The following RAP1GDS1 variants were observed in gnomAD, a reference collection of about 807,000 sequenced individuals.
RAP1GDS1 encodes the protein Rap1 GTPase-GDP dissociation stimulator 1.
A neutral mutation model predicts 71.1 loss-of-function variants in RAP1GDS1; 35 were observed. The ratio of observed to expected loss-of-function variants is 0.49; its 90% CI spans 0.38 to 0.65. The LOEUF is 0.65. Ranked by LOEUF, RAP1GDS1 falls within the 30% of genes least tolerant of loss-of-function variation. The pLI is 0.00. For synonymous variants in RAP1GDS1, 229 were observed against 243.1 expected (o/e 0.94, Z 0.54); for missense variants, 663 against 706.1 (o/e 0.94, Z 0.69).
intron 2 of RAP1GDS1, among the ~76,000 whole-genome samples, chr4:98,328,871 T>G (rs1215156216): frequency 6.6e-6 from 1 of 152,238 alleles, no homozygotes; most frequent in African/African-American, 2.4e-5. Context: ...AATAATTGCC[T>G]GTAAGAAGTG....
chr4:98,430,702 A>G (rs939956039), intron 12 of RAP1GDS1, among the ~76,000 whole-genome samples: 1 of 152,204 alleles, frequency 6.6e-6, no homozygotes, highest in Non-Finnish European at 1.5e-5. Context: ...CGTACTTTGG[A>G]AAAATGCTGT....
Position 98,343,204 on chromosome 4 carries a change from C to G in RAP1GDS1, c.178C>G (p.Pro60Ala). 6.2e-7 allele frequency: 1 copy of G among 1,605,302 alleles called. No individual in the cohort carries two copies. The highest frequency in any genetic ancestry group is 1.1e-5 in the South Asian group (1 of 90,890). The change falls in exon 3 of 15, where the codon CCA becomes GCA. Residue 60 changes from proline (P) to alanine (A), a missense_variant. Transcript: ENST00000408927. ...ILQLFASLLT[P>A]QSSCKAKVAN... The stretch of plus-strand genomic sequence containing the variant: ...TCAGCTGTTTGCAAGTCTGTTGACT[C>G]CACAGTCTTCCTGCAAAGCCAAAGT...
At chr4:98,376,275 T>G (rs983621967) in intron 4 of RAP1GDS1, among the ~76,000 whole-genome samples, 1 of 152,084 alleles carries the variant, frequency 6.6e-6, no homozygotes, top group Non-Finnish European at 1.5e-5. Context: ...CTGTTACTTA[T>G]GAGAAGAGTG....
At chr4:98,427,004 CAAG>C (rs1344548090) in intron 12 of RAP1GDS1, among the ~76,000 whole-genome samples, 1 of 152,116 alleles carries the variant, frequency 6.6e-6, no homozygotes, top group Non-Finnish European at 1.5e-5. Context: ...AACAACATAT[CAAG>C]AAGATAACTC....
intron 2 of RAP1GDS1, among the ~76,000 whole-genome samples, chr4:98,329,457 G>A (rs1228898701): frequency 6.6e-6 from 1 of 152,024 alleles, no homozygotes; most frequent in Non-Finnish European, 1.5e-5. Flanking sequence ...AAAAGATTTA[G>A]TCCATTAATC....
intron 2 of RAP1GDS1, among the ~76,000 whole-genome samples, chr4:98,305,373 G>A (rs1320903724): frequency 6.6e-6 from 1 of 151,938 alleles, no homozygotes; most frequent in Non-Finnish European, 1.5e-5. Flanking sequence ...GTTTGGTAGA[G>A]AACATTTTTA....
intron 5 of RAP1GDS1, among the ~76,000 whole-genome samples, chr4:98,385,574 A>G (rs979794834): frequency 6.6e-6 from 1 of 151,910 alleles, no homozygotes; most frequent in Non-Finnish European, 1.5e-5. Flanking sequence ...ACTTTTATGA[A>G]GATTATTAAT....
At chr4:98,409,691 A>T (rs1301252373) in intron 7 of RAP1GDS1, 1 of 431,192 alleles carries the variant, frequency 2.3e-6, no homozygotes, top group Non-Finnish European at 4.6e-6. Context: ...CCACCTAGAG[A>T]AGCGCACTTT....
intron 7 of RAP1GDS1, among the ~76,000 whole-genome samples, chr4:98,414,466 G>A (rs1281547087): frequency 1.2e-3 from 174 of 146,968 alleles, no homozygotes; most frequent in African/African-American, 3.4e-3. Flanking sequence ...CATTTATTAA[G>A]TAGGGAATCC....
intron 7 of RAP1GDS1, among the ~76,000 whole-genome samples, chr4:98,415,592 A>T (rs1747830195): frequency 6.6e-6 from 1 of 152,298 alleles, no homozygotes; most frequent in South Asian, 2.1e-4. Context: ...GGCAAATATA[A>T]GCTCTTCAGT....
chr4:98,409,007 A>G (rs1248430938), intron 7 of RAP1GDS1, among the ~76,000 whole-genome samples: 1 of 152,190 alleles, frequency 6.6e-6, no homozygotes, highest in Non-Finnish European at 1.5e-5. Context: ...TTAACATTGT[A>G]TTGTAAGAAG....
chr4:98,326,839 G>T (rs1316877758), intron 2 of RAP1GDS1, among the ~76,000 whole-genome samples: 2 of 152,164 alleles, frequency 1.3e-5, no homozygotes, highest in Non-Finnish European at 2.9e-5. Flanking sequence ...TGGAAGGTAG[G>T]TGGAAGAAAA....
intron 4 of RAP1GDS1, among the ~76,000 whole-genome samples, chr4:98,371,604 G>A (rs949706540): frequency 5.3e-5 from 8 of 151,894 alleles, no homozygotes; most frequent in African/African-American, 1.7e-4. Flanking sequence ...AGCCTCCCGA[G>A]TAGCTGGGAT....
chr4:98,280,355 A>G (rs1181408809), intron 1 of RAP1GDS1, among the ~76,000 whole-genome samples: 2 of 152,296 alleles, frequency 1.3e-5, no homozygotes, highest in African/African-American at 4.8e-5. Flanking sequence ...TTCTCTGATG[A>G]CTAGTGATGA....
intron 7 of RAP1GDS1, among the ~76,000 whole-genome samples, chr4:98,407,565 C>T (rs1746317741): frequency 6.6e-6 from 1 of 151,954 alleles, no homozygotes; most frequent in African/African-American, 2.4e-5. Context: ...AACTAGAGGG[C>T]ATTAATTCTA....
intron 6 of RAP1GDS1, among the ~76,000 whole-genome samples, chr4:98,399,148 C>T (rs975244280): frequency 6.6e-6 from 1 of 152,068 alleles, no homozygotes; most frequent in African/African-American, 2.4e-5. Context: ...AGAAATGCTT[C>T]AGGACATTGG....
At chr4:98,374,050 T>A (rs1296150983) in intron 4 of RAP1GDS1, among the ~76,000 whole-genome samples, 1 of 152,198 alleles carries the variant, frequency 6.6e-6, no homozygotes, top group African/African-American at 2.4e-5. Context: ...GAATTTTTTT[T>A]ATTATTTTCA....
chr4:98,347,698 C>G (rs1736505106), intron 3 of RAP1GDS1, among the ~76,000 whole-genome samples: 1 of 152,154 alleles, frequency 6.6e-6, no homozygotes, highest in Non-Finnish European at 1.5e-5. Flanking sequence ...TTCCCCGAAC[C>G]AAAATTTTCA....
intron 1 of RAP1GDS1, among the ~76,000 whole-genome samples, chr4:98,285,797 T>A (rs1422222661): frequency 4.1e-5 from 6 of 147,166 alleles, no homozygotes; most frequent in Non-Finnish European, 4.5e-5. Flanking sequence ...GGGCACTTTT[T>A]ATTAATATAT....
Sources: allele counts gnomAD v4.1 joint callset (sites outside exome capture counted in the v4.1 genomes callset), GRCh38; gene constraint gnomAD v4.1.1; transcripts MANE v1.5; gene names NCBI Gene and HGNC (gene_info 2026-07-23, HGNC 2026-07-21).